NCAPD3: variants seen among roughly 807,000 people sequenced by gnomAD.
The protein encoded by NCAPD3 is condensin-2 complex subunit D3.
In NCAPD3, 105 loss-of-function variants were observed where a neutral mutation model predicts 182.9. The ratio of observed to expected loss-of-function variants is 0.57; its 90% CI spans 0.49 to 0.68. The LOEUF (loss-of-function observed/expected upper bound fraction) is 0.68, where lower values mean the gene tolerates loss of function less well. Ranked by LOEUF, NCAPD3 falls within the 30% of genes least tolerant of loss-of-function variation. The probability of loss-of-function intolerance (pLI) is 0.00; values close to 1 mark genes in which losing one functional copy is unlikely to be tolerated. For synonymous variants in NCAPD3, 815 were observed against 679.9 expected, an observed-to-expected ratio of 1.20 and a Z score of -3.09; for missense variants, 1,944 against 1,837.0, an observed-to-expected ratio of 1.06 and a Z score of -1.07.
chr11:134,196,507 G>A (rs575463302), intron 13 of NCAPD3, among the ~76,000 whole-genome samples: 2 of 151,878 alleles, frequency 1.3e-5, no homozygotes, highest in Non-Finnish European at 2.9e-5. Context: ...TTTGCCGGGT[G>A]TGGGGGCGGG....
At chr11:134,176,949 T>C (rs1401531588) in intron 23 of NCAPD3, among the ~76,000 whole-genome samples, 1 of 152,224 alleles carries the variant, frequency 6.6e-6, no homozygotes, top group African/African-American at 2.4e-5. Flanking sequence ...GTCTACTGAA[T>C]ATGCTTTTCT....
chr11:134,152,404 C>A lies in NCAPD3; in HGVS notation c.*540G>T, dbSNP rs765707701. The A allele has an allele frequency of 6.6e-6, 1 of 152,212 alleles. No individual in the cohort carries two copies. Among genetic ancestry groups the A allele is most frequent in the African/African-American group, 2.4e-5 (1 of 41,448 alleles). 9.4% of individuals were successfully genotyped at this position (152,212 alleles called of 1,614,324 possible). ...ATTAAAATGATTACCAATAAGAGCT[C>A]TGTTCTAAAAACAGAAAAATCCTAT... On this transcript the variant is annotated 3_prime_UTR_variant, in exon 35 of 35. Transcript: ENST00000534548.
At chr11:134,164,965 T>C (rs1345210447) in intron 27 of NCAPD3, among the ~76,000 whole-genome samples, 2 of 141,192 alleles carry the variant, frequency 1.4e-5, no homozygotes, top group African/African-American at 5.4e-5. Flanking sequence ...GACATAAGCT[T>C]AGGGGAGTGG....
intron 27 of NCAPD3, among the ~76,000 whole-genome samples, chr11:134,164,400 A>C (rs1943695035): frequency 6.6e-6 from 1 of 152,234 alleles, no homozygotes; most frequent in South Asian, 2.1e-4. Flanking sequence ...GCTCATGAGA[A>C]ATGCTGGAGT....
At chr11:134,171,779 C>A (rs1944011786) in intron 24 of NCAPD3, among the ~76,000 whole-genome samples, 1 of 152,134 alleles carries the variant, frequency 6.6e-6, no homozygotes, top group Non-Finnish European at 1.5e-5. Context: ...ACTCTCAGGG[C>A]ACTCCCTATG....
rs771871226 is a variant in NCAPD3 at position 134,152,854 on chromosome 11, C to T, written c.*90G>A. On this transcript the variant is annotated 3_prime_UTR_variant, in exon 35 of 35. Transcript: ENST00000534548. ...ACAGCAAAGCGCTGCCCAAGGACTG[C>T]GGGAAGTGATCCAGCTGCCTTCACA... 125 of 1,056,682 alleles carry T rather than the reference C, an allele frequency of 1.2e-4. 1 individual carries two copies. The highest frequency in any genetic ancestry group is 6.0e-4 in the East Asian group (25 of 41,840). The allele number at this position is 1,056,682 out of a possible 1,614,324, so 65.5% of individuals were successfully genotyped here. A position where few individuals can be genotyped will look rare whatever the true frequency, so the allele number is the denominator to read the frequency against.
intron 27 of NCAPD3, among the ~76,000 whole-genome samples, chr11:134,164,825 C>T (rs962278865): frequency 2.1e-5 from 3 of 145,692 alleles, no homozygotes; most frequent in African/African-American, 5.2e-5. Flanking sequence ...ATGAAATGAC[C>T]TTAGGGGAGC....
rs142313072 is a variant in NCAPD3, at chr11:134,162,987, C to T, written c.3574-1096G>A. On this transcript the variant is annotated intron_variant, in intron 27 of 34. Transcript: ENST00000534548. ...AGAAGGGAGGATGGGTGGGTGAGGG[C>T]GCTGCAGACTTTAGACCCAGAGGCA... Among the ~76,000 whole-genome samples, 2 of 152,112 alleles carry T rather than the reference C, an allele frequency of 1.3e-5. 1 individual carries two copies. Among genetic ancestry groups the T allele is most frequent in the African/African-American group, 4.8e-5 (2 of 41,474 alleles).
rs551637014 is a variant in NCAPD3 at position 134,219,327 on chromosome 11, T to C, written c.219+1245A>G. ...GGAGCATTTTTCACAGTGTGGTTCGTAGAATATTTCCAGGCGCCCAAATGC... is the reference window on the plus strand; with the variant it reads ...GGAGCATTTTTCACAGTGTGGTTCGCAGAATATTTCCAGGCGCCCAAATGC... On this transcript the variant is annotated intron_variant, in intron 2 of 34. Coordinates refer to ENST00000534548, the MANE Select transcript of NCAPD3 (RefSeq NM_015261.3). 5.3e-5 allele frequency among the ~76,000 whole-genome samples: 8 copies of C among 152,296 alleles called. No homozygotes were observed. The East Asian group carries it at 1.5e-3, about 29-fold the overall frequency.
intron 27 of NCAPD3, among the ~76,000 whole-genome samples, chr11:134,165,644 C>T (rs1158845089): frequency 1.4e-5 from 2 of 140,106 alleles, no homozygotes; most frequent in Admixed American, 1.5e-4. Flanking sequence ...AGGGGAGGCC[C>T]ACACTCGTGA....
At chr11:134,171,479 C>T (rs1230199687) in intron 24 of NCAPD3, among the ~76,000 whole-genome samples, 1 of 152,154 alleles carries the variant, frequency 6.6e-6, no homozygotes, top group Non-Finnish European at 1.5e-5. Context: ...AACAGGGTGT[C>T]TGCTCAATAA....
chr11:134,154,827 T>C (rs1463531320), intron 32 of NCAPD3, among the ~76,000 whole-genome samples: 1 of 152,264 alleles, frequency 6.6e-6, no homozygotes, highest in Non-Finnish European at 1.5e-5. Flanking sequence ...TCAAAGCTCA[T>C]CAGCGCACTG....
Position 134,193,966 on chromosome 11 carries a change from C to T in NCAPD3, c.1824+50G>A, listed in dbSNP as rs771597395. 3.2e-6 allele frequency: 5 copies of T among 1,552,148 alleles called. No homozygotes were observed. The South Asian group carries it at 3.5e-5, about 11-fold the overall frequency. ...AGCAGGTAATTATTGTGTGGAATTA[C>T]TTTTAATGTAAAATACCATGCATTA... On this transcript the variant is annotated intron_variant, in intron 15 of 34. Coordinates refer to ENST00000534548, the MANE Select transcript of NCAPD3 (RefSeq NM_015261.3).
chr11:134,222,360 G>A (rs1360148294), intron 1 of NCAPD3, among the ~76,000 whole-genome samples: 1 of 152,196 alleles, frequency 6.6e-6, no homozygotes, highest in African/African-American at 2.4e-5. Context: ...GAATACTAGA[G>A]GGTTCTTGTC....
chr11:134,180,693 A>C (rs918966851), intron 20 of NCAPD3, among the ~76,000 whole-genome samples: 1 of 152,214 alleles, frequency 6.6e-6, no homozygotes, highest in Admixed American at 6.5e-5. Context: ...CAAATAGCTC[A>C]GAAGACATGT....
At chr11:134,168,243 G>C in intron 26 of NCAPD3, 48 bp from the exon 27 acceptor site, 1 of 1,557,896 alleles carries the variant, frequency 6.4e-7, no homozygotes, top group East Asian at 2.2e-5. Context: ...GAAATGCTCT[G>C]GCCCAGAGAG....
chr11:134,169,925 ACAG>A (rs1943965590), intron 24 of NCAPD3, among the ~76,000 whole-genome samples: 1 of 152,330 alleles, frequency 6.6e-6, no homozygotes, highest in East Asian at 1.9e-4. Flanking sequence ...TTCCACCCAC[ACAG>A]GAGCACCAGT....
chr11:134,165,026 A>G, intron 27 of NCAPD3, among the ~76,000 whole-genome samples: 1 of 149,854 alleles, frequency 6.7e-6, no homozygotes, highest in Non-Finnish European at 1.5e-5. Context: ...CACTTGTGAG[A>G]TGAGCTTAGA....
intron 27 of NCAPD3, among the ~76,000 whole-genome samples, chr11:134,163,519 G>A (rs1943653694): frequency 6.6e-6 from 1 of 151,948 alleles, no homozygotes; most frequent in Non-Finnish European, 1.5e-5. Context: ...CAAACACTGT[G>A]AAACCCCATC....
Sources: gnomAD v4.1 joint callset for allele counts (sites outside exome capture counted in the v4.1 genomes callset) on GRCh38, gnomAD v4.1.1 for gene constraint, MANE v1.5 for transcripts, NCBI Gene and HGNC (gene_info 2026-07-23, HGNC 2026-07-21) for gene names.